The following PTPRD variants were observed in gnomAD, a reference collection of about 807,000 sequenced individuals.
PTPRD encodes the protein protein tyrosine phosphatase receptor type D.
A neutral mutation model predicts 214.5 loss-of-function variants in PTPRD; 34 were observed. The observed-to-expected ratio is 0.16, with a 90% CI of 0.12 to 0.21. The LOEUF is 0.21. Ranked by LOEUF, PTPRD falls within the 10% of genes least tolerant of loss-of-function variation. PTPRD has a pLI of 1.00. For synonymous variants in PTPRD, 1,128 were observed against 845.7 expected (o/e 1.33, Z -5.79); for missense variants, 2,545 against 2,398.7 (o/e 1.06, Z -1.27).
chr9:9,096,655 A>G (rs2099783968), intron 10 of PTPRD, among the ~76,000 whole-genome samples: 1 of 152,218 alleles, frequency 6.6e-6, no homozygotes, highest in Non-Finnish European at 1.5e-5. Context: ...ATACTCATAT[A>G]TCCTTTACCC....
chr9:10,600,559 A>G (rs1310702298), intron 2 of PTPRD, among the ~76,000 whole-genome samples: 1 of 151,820 alleles, frequency 6.6e-6, no homozygotes, highest in Non-Finnish European at 1.5e-5. Flanking sequence ...AAACTCACAC[A>G]GCTCCAGGAT....
chr9:9,064,881 T>C (rs1490736474), intron 10 of PTPRD, among the ~76,000 whole-genome samples: 2 of 152,226 alleles, frequency 1.3e-5, no homozygotes, highest in African/African-American at 2.4e-5. Flanking sequence ...ACAGCAGTCA[T>C]GAAGATACAA....
At chr9:10,505,579 T>C (rs956297084) in intron 2 of PTPRD, among the ~76,000 whole-genome samples, 5 of 152,106 alleles carry the variant, frequency 3.3e-5, no homozygotes, top group African/African-American at 9.7e-5. Context: ...ATCGGATTGC[T>C]ATAAAACTTT....
intron 11 of PTPRD, among the ~76,000 whole-genome samples, chr9:8,998,185 G>A (rs993801699): frequency 6.6e-6 from 1 of 152,102 alleles, no homozygotes; most frequent in African/African-American, 2.4e-5. Context: ...ATTCAATGCA[G>A]ACAAACAGGC....
chr9:8,675,681 T>G (rs1421947906), intron 12 of PTPRD, among the ~76,000 whole-genome samples: 2 of 152,066 alleles, frequency 1.3e-5, no homozygotes, highest in African/African-American at 4.8e-5. Flanking sequence ...TTACTAAGCT[T>G]GTGGACCCAT....
chr9:8,737,005 A>G (rs903535033), intron 11 of PTPRD, among the ~76,000 whole-genome samples: 1 of 152,260 alleles, frequency 6.6e-6, no homozygotes, highest in African/African-American at 2.4e-5. Flanking sequence ...GTCGGACTCA[A>G]TTTGTGTCTG....
chr9:10,028,990 C>CCCAGGGTCCCTGGGCTGTGTGCA (rs1567181873), intron 4 of PTPRD, among the ~76,000 whole-genome samples: 3 of 151,906 alleles, frequency 2.0e-5, no homozygotes, highest in African/African-American at 7.3e-5. Context: ...GGCTGTGTGC[C>CCCAGGGTCCCTGGGCTGTGTGCA]GCCTAGGGAC....
At chr9:10,229,368 C>T (rs888174868) in intron 3 of PTPRD, among the ~76,000 whole-genome samples, 24 of 151,918 alleles carry the variant, frequency 1.6e-4, no homozygotes, top group African/African-American at 5.3e-4. Context: ...ACCCAAAGGA[C>T]TATAAATCAT....
At chr9:10,213,366 G>C (rs2099525806) in intron 3 of PTPRD, among the ~76,000 whole-genome samples, 1 of 152,072 alleles carries the variant, frequency 6.6e-6, no homozygotes, top group South Asian at 2.1e-4. Context: ...AGCAAACTTT[G>C]TGTACAAGTG....
At chr9:9,388,608 G>A (rs1216519175) in intron 9 of PTPRD, among the ~76,000 whole-genome samples, 1 of 151,996 alleles carries the variant, frequency 6.6e-6, no homozygotes, top group Non-Finnish European at 1.5e-5. Context: ...TCACAGGCTT[G>A]TTCTCATATA....
chr9:8,420,681 G>A (rs1256170194), intron 35 of PTPRD, among the ~76,000 whole-genome samples: 3 of 152,118 alleles, frequency 2.0e-5, no homozygotes, highest in African/African-American at 7.2e-5. Flanking sequence ...CAACTGTGGA[G>A]AGATAAATAC....
chr9:9,165,357 T>C (rs1483309785), intron 10 of PTPRD, among the ~76,000 whole-genome samples: 5 of 152,200 alleles, frequency 3.3e-5, no homozygotes, highest in Non-Finnish European at 1.5e-5. Flanking sequence ...ATGTAAGGCA[T>C]TGCCTTCAAA....
intron 12 of PTPRD, chr9:8,700,537 G>A (rs2098052996): frequency 6.6e-6 from 1 of 152,130 alleles, no homozygotes. Flanking sequence ...TAAGGAGTGA[G>A]AAAAATAATA....
At chr9:8,819,093 C>T (rs2096985718) in intron 11 of PTPRD, among the ~76,000 whole-genome samples, 1 of 152,086 alleles carries the variant, frequency 6.6e-6, no homozygotes. Flanking sequence ...AAATTAAAAA[C>T]ATAAAAATGT....
At chr9:9,450,747 A>AT (rs1019418874) in intron 8 of PTPRD, among the ~76,000 whole-genome samples, 1 of 104,678 alleles carries the variant, frequency 9.6e-6, no homozygotes, top group Non-Finnish European at 2.1e-5. Context: ...TGTACATATT[A>AT]TGGGGGGGGG....
rs34342718 is a variant in PTPRD, at chr9:8,940,280, C to CTT, written c.-104+78415_-104+78416dup. On this transcript the variant is annotated intron_variant, in intron 11 of 45. Coordinates refer to ENST00000381196, the MANE Select transcript of PTPRD (RefSeq NM_002839.4). ...TCACACATCTCTCTCTCTCTCTCTC[C>CTT]TTTTTTTTTTTTTTTTTTTTGAGAT... is the stretch of plus-strand genomic sequence containing the variant. 5.6e-5 allele frequency among the ~76,000 whole-genome samples: 5 copies of CTT among 89,050 alleles called. 1 individual carries two copies. Among genetic ancestry groups the CTT allele is most frequent in the African/African-American group, 1.7e-4 (4 of 22,880 alleles). The allele number at this position is 89,050 out of a possible 152,430, so 58.4% of individuals were successfully genotyped here.
intron 35 of PTPRD, among the ~76,000 whole-genome samples, chr9:8,423,984 G>A (rs111921610): frequency 2.6e-5 from 4 of 152,060 alleles, no homozygotes; most frequent in African/African-American, 7.2e-5. Context: ...ATTTGTTTCA[G>A]ATATAAACTA....
rs1376408173 is a variant in PTPRD, at chr9:8,517,697, C to CT, written c.1543+150dup. On this transcript the variant is annotated intron_variant, in intron 21 of 45. Transcript: ENST00000381196. ...GTTTTTCAGATGTCCATGCTTGTTCCTTTTCAGATATCTATCATCTGTTGC... is the reference window on the plus strand; with the variant it reads ...GTTTTTCAGATGTCCATGCTTGTTCCTTTTTCAGATATCTATCATCTGTTGC... The CT allele has an allele frequency of 2.0e-5, 13 of 665,490 alleles. No individual in the cohort carries two copies. The Admixed American group carries it at 3.2e-4, about 17-fold the overall frequency. The allele number at this position is 665,490 out of a possible 1,614,324, so 41.2% of individuals were successfully genotyped here. A position where few individuals can be genotyped will look rare whatever the true frequency, so the allele number is the denominator to read the frequency against.
At chr9:9,408,616 G>T (rs1003927719) in intron 8 of PTPRD, among the ~76,000 whole-genome samples, 1 of 151,752 alleles carries the variant, frequency 6.6e-6, no homozygotes, top group African/African-American at 2.4e-5. Flanking sequence ...TATATTTTAA[G>T]GAACCCGACA....
Sources: allele counts gnomAD v4.1 joint callset (sites outside exome capture counted in the v4.1 genomes callset), GRCh38; gene constraint gnomAD v4.1.1; transcripts MANE v1.5; gene names NCBI Gene and HGNC (gene_info 2026-07-23, HGNC 2026-07-21).